Variants in PHACTR1 observed in about 807,000 individuals in gnomAD.
PHACTR1 encodes phosphatase and actin regulator 1, also known as RPEL repeat containing 1.
A neutral mutation model predicts 69.2 loss-of-function variants in PHACTR1; 16 were observed. The ratio of observed to expected loss-of-function variants is 0.23; its 90% confidence interval spans 0.16 to 0.35. The LOEUF is 0.35. Ranked by LOEUF, PHACTR1 falls within the 10% of genes least tolerant of loss-of-function variation. The probability of loss-of-function intolerance (pLI) is 1.00; values close to 1 mark genes in which losing one functional copy is unlikely to be tolerated. For synonymous variants in PHACTR1, 312 were observed against 284.5 expected, an observed-to-expected ratio of 1.10 and a Z score of -0.97; for missense variants, 510 against 734.7, an observed-to-expected ratio of 0.69 and a Z score of 3.54.
intron 4 of PHACTR1, among the ~76,000 whole-genome samples, chr6:12,825,305 C>CCTCT (rs1431571687): frequency 6.7e-6 from 1 of 150,294 alleles, no homozygotes; most frequent in East Asian, 1.9e-4. Context: ...AGAACAAAAC[C>CCTCT]CTCTCTCTCT....
intron 4 of PHACTR1, among the ~76,000 whole-genome samples, chr6:12,968,353 T>C (rs886279909): frequency 6.6e-6 from 1 of 152,202 alleles, no homozygotes; most frequent in African/African-American, 2.4e-5. Context: ...AAAATTCTCT[T>C]TCTTCCTGAG....
At chr6:13,058,876 G>T (rs1440905311) in intron 5 of PHACTR1, among the ~76,000 whole-genome samples, 1 of 152,152 alleles carries the variant, frequency 6.6e-6, no homozygotes, top group African/African-American at 2.4e-5. Flanking sequence ...GGCTGGAGAG[G>T]TAACCAAAGA....
At chr6:12,775,210 CAAGTA>C (rs1467041445) in intron 4 of PHACTR1, among the ~76,000 whole-genome samples, 1 of 152,134 alleles carries the variant, frequency 6.6e-6, no homozygotes, top group African/African-American at 2.4e-5. Flanking sequence ...TTCAGTTTTT[CAAGTA>C]AAGAGGTCCT....
chr6:13,281,960 TGA>T (rs1345449028), intron 12 of PHACTR1, among the ~76,000 whole-genome samples: 3 of 152,238 alleles, frequency 2.0e-5, no homozygotes, highest in African/African-American at 7.2e-5. Context: ...TGCCTTTGGC[TGA>T]GAGGGAGCTG....
intron 4 of PHACTR1, among the ~76,000 whole-genome samples, chr6:12,883,972 C>A (rs142986698): frequency 1.3e-5 from 2 of 151,950 alleles, no homozygotes; most frequent in Non-Finnish European, 2.9e-5. Context: ...ACACATGTAC[C>A]CACATACACA....
intron 4 of PHACTR1, among the ~76,000 whole-genome samples, chr6:12,952,081 G>A (rs1454313682): frequency 3.3e-5 from 5 of 152,168 alleles, no homozygotes; most frequent in Admixed American, 2.6e-4. Context: ...TAAAAAAACA[G>A]GCATGTGCTT....
chr6:12,776,338 G>A (rs1357928039), intron 4 of PHACTR1, among the ~76,000 whole-genome samples: 2 of 152,158 alleles, frequency 1.3e-5, no homozygotes, highest in Non-Finnish European at 2.9e-5. Context: ...TCCAAAATAA[G>A]AAAATAATCT....
intron 4 of PHACTR1, among the ~76,000 whole-genome samples, chr6:13,047,724 G>T (rs1805298415): frequency 6.6e-6 from 1 of 152,092 alleles, no homozygotes. Flanking sequence ...ACATCAGATG[G>T]CACAGACACC....
chr6:12,944,397 T>C (rs1023476837), intron 4 of PHACTR1, among the ~76,000 whole-genome samples: 23 of 152,206 alleles, frequency 1.5e-4, no homozygotes, highest in Admixed American at 1.4e-3. Context: ...AACAATGGGG[T>C]TGATTAAGAA....
intron 4 of PHACTR1, among the ~76,000 whole-genome samples, chr6:12,899,956 C>T (rs954486475): frequency 1.3e-5 from 2 of 152,300 alleles, no homozygotes; most frequent in South Asian, 2.1e-4. Flanking sequence ...TGCCCCCTTA[C>T]ACCACCAGTG....
At chr6:13,216,938 G>A (rs1432738650) in intron 8 of PHACTR1, among the ~76,000 whole-genome samples, 3 of 152,158 alleles carry the variant, frequency 2.0e-5, no homozygotes, top group African/African-American at 7.2e-5. Context: ...AAAAAAGGAA[G>A]TGTATTTTCA....
chr6:12,850,215 C>T (rs182215890), intron 4 of PHACTR1, among the ~76,000 whole-genome samples: 4 of 152,320 alleles, frequency 2.6e-5, no homozygotes, highest in Admixed American at 1.3e-4. Context: ...CTCCTTCTTC[C>T]GTCACAACTT....
At chr6:13,270,212 A>G (rs959420818) in intron 10 of PHACTR1, among the ~76,000 whole-genome samples, 3 of 152,280 alleles carry the variant, frequency 2.0e-5, no homozygotes, top group South Asian at 2.1e-4. Flanking sequence ...TACAGAGGTT[A>G]CAGATGAACA....
chr6:13,130,460 G>T (rs1820243872), intron 5 of PHACTR1, among the ~76,000 whole-genome samples: 1 of 152,008 alleles, frequency 6.6e-6, no homozygotes, highest in South Asian at 2.1e-4. Context: ...AGCTCAATTA[G>T]AAATTAAACA....
intron 4 of PHACTR1, among the ~76,000 whole-genome samples, chr6:12,961,342 A>C (rs1193966105): frequency 6.6e-6 from 1 of 152,262 alleles, no homozygotes; most frequent in African/African-American, 2.4e-5. Flanking sequence ...TTCTAATGCT[A>C]GGGAAAAAGA....
chr6:12,940,392 G>A (rs1789941088), intron 4 of PHACTR1, among the ~76,000 whole-genome samples: 1 of 152,214 alleles, frequency 6.6e-6, no homozygotes, highest in Non-Finnish European at 1.5e-5. Context: ...GCCTGCATAT[G>A]TTGGTTTAGG....
At chr6:12,957,774 C>T in intron 4 of PHACTR1, 1 of 985,554 alleles carries the variant, frequency 1.0e-6, no homozygotes, top group Non-Finnish European at 1.2e-6. Context: ...CATCCCCCGA[C>T]TTTGGTTGAC....
intron 5 of PHACTR1, among the ~76,000 whole-genome samples, chr6:13,159,807 G>T (rs537544600): frequency 6.6e-6 from 1 of 152,278 alleles, no homozygotes; most frequent in African/African-American, 2.4e-5. Flanking sequence ...GTGTGTGGTG[G>T]CATGTGCCTG....
intron 4 of PHACTR1, among the ~76,000 whole-genome samples, chr6:12,901,928 A>AG (rs1214163111): frequency 6.6e-6 from 1 of 152,302 alleles, no homozygotes; most frequent in East Asian, 1.9e-4. Flanking sequence ...CAACAAGGGA[A>AG]GTGGGGGGAA....
Sources: allele counts gnomAD v4.1 joint callset (sites outside exome capture counted in the v4.1 genomes callset), GRCh38; gene constraint gnomAD v4.1.1; transcripts MANE v1.5; gene names NCBI Gene and HGNC (gene_info 2026-07-23, HGNC 2026-07-21).